Variants in GARNL3 observed in about 807,000 individuals in gnomAD.
The protein encoded by GARNL3 is GTPase activating Rap/RanGAP domain like 3, also known as GTPase-activating Rap/Ran-GAP domain-like protein 3.
GARNL3 carries 63 observed loss-of-function variants against 125.0 expected under a neutral mutation model. The observed-to-expected ratio is 0.50, with a 90% CI of 0.41 to 0.62. The LOEUF is 0.62. Among genes scored for constraint, GARNL3 ranks in the 20% least tolerant of loss-of-function variants. The probability of loss-of-function intolerance (pLI) is 0.00; values close to 1 mark genes in which losing one functional copy is unlikely to be tolerated. For synonymous variants in GARNL3, 439 were observed against 457.5 expected (o/e 0.96, Z 0.52); for missense variants, 994 against 1,244.0 (o/e 0.80, Z 3.02).
At chr9:127,361,154 A>G (rs1484438044) in intron 21 of GARNL3, among the ~76,000 whole-genome samples, 1 of 152,238 alleles carries the variant, frequency 6.6e-6, no homozygotes, top group Non-Finnish European at 1.5e-5. Flanking sequence ...GGAGAGGTAC[A>G]GTTCCTACTT....
At chr9:127,270,819 T>G (rs1254542705) in intron 1 of GARNL3, among the ~76,000 whole-genome samples, 1 of 152,250 alleles carries the variant, frequency 6.6e-6, no homozygotes, top group African/African-American at 2.4e-5. Context: ...AAATGTTTTT[T>G]TATTACTGAA....
At chr9:127,294,744 C>T (rs1373355119) in intron 2 of GARNL3, among the ~76,000 whole-genome samples, 4 of 152,188 alleles carry the variant, frequency 2.6e-5, no homozygotes, top group Non-Finnish European at 5.9e-5. Flanking sequence ...TGTGACAAAA[C>T]ATTCATTCAA....
chr9:127,241,675 C>A (rs1017917051), intron 1 of GARNL3, among the ~76,000 whole-genome samples: 1 of 152,084 alleles, frequency 6.6e-6, no homozygotes, highest in South Asian at 2.1e-4. Flanking sequence ...ACAAAGGGGA[C>A]AGGTAGGAGG....
At chr9:127,241,936 TTTGTTGTTGTTGTTG>T (rs148526680) in intron 1 of GARNL3, among the ~76,000 whole-genome samples, 2 of 150,370 alleles carry the variant, frequency 1.3e-5, no homozygotes, top group African/African-American at 2.5e-5. Flanking sequence ...CCCGGCCTGG[TTTGTTGTTGTTGTTG>T]TTGTTGTTGT....
chr9:127,265,708 G>A (rs2063689615), intron 1 of GARNL3, among the ~76,000 whole-genome samples: 1 of 152,130 alleles, frequency 6.6e-6, no homozygotes, highest in African/African-American at 2.4e-5. Flanking sequence ...TCAGAAATGT[G>A]CTCATAAAAT....
intron 2 of GARNL3, among the ~76,000 whole-genome samples, chr9:127,249,392 C>T (rs1051160472): frequency 3.3e-5 from 5 of 150,148 alleles, no homozygotes; most frequent in African/African-American, 7.4e-5. Context: ...AAGACCAGCC[C>T]GGGCAACATG....
chr9:127,365,180 G>T (rs974639100), intron 21 of GARNL3, 120 bp from the exon 22 acceptor site: 2 of 777,748 alleles, frequency 2.6e-6, no homozygotes, highest in African/African-American at 1.7e-5. Flanking sequence ...GGGCAGACAT[G>T]ACCCTATGGC....
chr9:127,387,264 T>C lies in GARNL3; in HGVS notation c.2460T>C (p.Ser820=), dbSNP rs1832590426. ...CTGGAGGCAGCTCCAAGGGGGCCAG[T>C]GCCCGAAATTCTCCTCAGACACCCC... ...VSSGGSSKGA[S]ARNSPQTPPG... is the part of the protein sequence containing the mutation. Residue 820 remains serine (S), a synonymous_variant, in exon 25 of 28, where the codon AGT becomes AGC. Coordinates refer to ENST00000373387, the MANE Select transcript of GARNL3 (RefSeq NM_032293.5). 1.2e-6 allele frequency: 2 copies of C among 1,614,064 alleles called. No homozygotes were observed. The highest frequency in any genetic ancestry group is 1.7e-6 in the Non-Finnish European group (2 of 1,180,004).
chr9:127,325,887 C>T (rs2065554954), intron 7 of GARNL3, among the ~76,000 whole-genome samples: 1 of 152,176 alleles, frequency 6.6e-6, no homozygotes, highest in African/African-American at 2.4e-5. Context: ...CCTTTTGAAA[C>T]ATGTGGAATC....
intron 22 of GARNL3, among the ~76,000 whole-genome samples, chr9:127,379,020 T>C (rs1282399882): frequency 6.6e-6 from 1 of 152,182 alleles, no homozygotes; most frequent in African/African-American, 2.4e-5. Context: ...TCAAGTGATC[T>C]GCCCGCCTTG....
At chr9:127,353,567 A>T (rs1830522169) in intron 17 of GARNL3, 2 of 278,116 alleles carry the variant, frequency 7.2e-6, no homozygotes, top group Non-Finnish European at 6.7e-6. Flanking sequence ...TTTTTCTTTG[A>T]TGAACAAAAA....
At chr9:127,296,631 C>A (rs1031583995) in intron 2 of GARNL3, among the ~76,000 whole-genome samples, 2 of 151,804 alleles carry the variant, frequency 1.3e-5, no homozygotes, top group African/African-American at 4.8e-5. Flanking sequence ...ACCATTGTAT[C>A]CAGCAAATTT....
At chr9:127,277,552 C>G (rs935445508) in intron 1 of GARNL3, among the ~76,000 whole-genome samples, 1 of 151,726 alleles carries the variant, frequency 6.6e-6, no homozygotes, top group African/African-American at 2.4e-5. Flanking sequence ...GTAATAACAA[C>G]AGCAAACCTT....
At chr9:127,289,344 C>T (rs2064344766) in intron 1 of GARNL3, among the ~76,000 whole-genome samples, 1 of 152,190 alleles carries the variant, frequency 6.6e-6, no homozygotes, top group African/African-American at 2.4e-5. Context: ...TCTAAGCTCA[C>T]TTATGATTTA....
intron 8 of GARNL3, 99 bp downstream of exon 8, chr9:127,332,448 T>G (rs1418025356): frequency 9.0e-6 from 8 of 884,062 alleles, no homozygotes; most frequent in Non-Finnish European, 1.5e-5. Flanking sequence ...GTTGGAGTCT[T>G]TAATACGAGG....
At position 127,291,239 on chromosome 9, in the gene GARNL3, T is replaced by G. The variant is rs1408925137; in HGVS notation, c.216T>G (p.Asp72Glu). ...TCAGAGTGGAAAATGGCTCTTCAGA[T>G]GAGGTAAGGAAGCCTCCCCACTTCC... ...GRFRVENGSS[D>E]ENATALPGTW... The change falls in exon 2 of 28, where the codon GAT becomes GAG. Residue 72 changes from aspartate to glutamate, a missense_variant. This residue lies in a region of GARNL3 where 139 missense variants were observed against 231.6 expected (regional missense o/e 0.60). Coordinates refer to ENST00000373387, the MANE Select transcript of GARNL3 (RefSeq NM_032293.5). 1 of 1,613,856 alleles carries G rather than the reference T, an allele frequency of 6.2e-7. No individual in the cohort carries two copies. The highest frequency in any genetic ancestry group is 1.3e-5 in the African/African-American group (1 of 75,032).
At chr9:127,341,936 C>T (rs567821845) in intron 13 of GARNL3, among the ~76,000 whole-genome samples, 1 of 151,980 alleles carries the variant, frequency 6.6e-6, no homozygotes, top group East Asian at 1.9e-4. Flanking sequence ...TAGCAGCCGG[C>T]GGATCATAGA....
intron 1 of GARNL3, among the ~76,000 whole-genome samples, chr9:127,227,927 TAAAAC>T (rs1192922806): frequency 1.3e-5 from 2 of 152,134 alleles, no homozygotes; most frequent in East Asian, 3.9e-4. Flanking sequence ...CTCAATAAAA[TAAAAC>T]AAAACTAATT....
intron 20 of GARNL3, 105 bp from the exon 21 acceptor site, chr9:127,357,113 TG>T: frequency 8.8e-7 from 1 of 1,142,766 alleles, no homozygotes; most frequent in Non-Finnish European, 1.3e-6. Flanking sequence ...TGCAGGAGCC[TG>T]GAGAGGGTGC....
Sources: allele counts gnomAD v4.1 joint callset (sites outside exome capture counted in the v4.1 genomes callset), GRCh38; gene constraint gnomAD v4.1.1; regional missense constraint gnomAD v4.1.1; transcripts MANE v1.5; gene names NCBI Gene and HGNC (gene_info 2026-07-23, HGNC 2026-07-21).